The following ZGRF1 variants were observed in gnomAD, a reference collection of about 807,000 sequenced individuals.
The protein encoded by ZGRF1 is 5'-3' DNA helicase ZGRF1.
Under a neutral mutation model 203.5 loss-of-function variants are expected in ZGRF1, and 196 were observed. The ratio of observed to expected loss-of-function variants is 0.96; its 90% CI spans 0.86 to 1.08. The LOEUF is 1.08. Among genes scored for constraint, ZGRF1 ranks in the 50% least tolerant of loss-of-function variants. ZGRF1 has a pLI of 0.00. For missense variants in ZGRF1, 2,326 were observed against 2,416.3 expected, an observed-to-expected ratio of 0.96 and a Z score of 0.78; for synonymous variants, 809 against 841.3, an observed-to-expected ratio of 0.96 and a Z score of 0.66.
chr4:112,617,243 G>A (rs73841083), intron 6 of ZGRF1, among the ~76,000 whole-genome samples, 197 bp downstream of exon 6: 1,659 of 152,188 alleles, frequency 0.011, 41 homozygotes, highest in African/African-American at 0.038. Context: ...AATTCTGAAG[G>A]GTAGAATAAG....
Position 112,585,653 on chromosome 4 carries a change from AATG to A in ZGRF1, c.3986_3988del (p.Ser1329del), listed in dbSNP as rs1295726872. 6.2e-7 allele frequency: 1 copy of A among 1,610,642 alleles called. No homozygotes were observed. On this transcript the variant is annotated inframe_deletion, in exon 14 of 28. Coordinates refer to ENST00000505019, the MANE Select transcript of ZGRF1 (RefSeq NM_018392.5). ...TTTCTCTCCCTTCAATGATGTATAA[AATG>A]ATATGTCAACTTTTGAAAGAGCTTT...
chr4:112,632,878 A>G (rs2047457843), intron 2 of ZGRF1, among the ~76,000 whole-genome samples: 1 of 152,228 alleles, frequency 6.6e-6, no homozygotes, highest in African/African-American at 2.4e-5. Flanking sequence ...CTAATACTTG[A>G]TCTTAGCCAA....
chr4:112,598,052 G>A (rs1339503811), intron 10 of ZGRF1, among the ~76,000 whole-genome samples: 1 of 151,658 alleles, frequency 6.6e-6, no homozygotes, highest in Non-Finnish European at 1.5e-5. Context: ...TTTCTTTGGA[G>A]GTATTCAAAG....
At chr4:112,590,768 T>C (rs894183718) in intron 10 of ZGRF1, among the ~76,000 whole-genome samples, 1 of 151,542 alleles carries the variant, frequency 6.6e-6, no homozygotes, top group African/African-American at 2.4e-5. Context: ...TCTACTAAAA[T>C]ACAAAAAATT....
rs1750266144 is a variant in ZGRF1 at position 112,603,389 on chromosome 4, A to G, written c.2976+135T>C. 5 of 536,842 alleles carry G rather than the reference A, an allele frequency of 9.3e-6. No homozygotes were observed. The Admixed American group carries it at 1.0e-4, about 11-fold the overall frequency. 33.3% of individuals were successfully genotyped at this position (536,842 alleles called of 1,614,324 possible). ...AATACTTTTGTTATTTAGTTTTGAG[A>G]TATTATGCTTCTTGTCAATTTACTG... On this transcript the variant is annotated intron_variant, in intron 10 of 27. Coordinates refer to ENST00000505019, the MANE Select transcript of ZGRF1 (RefSeq NM_018392.5).
rs571873886 is a variant in ZGRF1, at chr4:112,605,627, C to T, written c.2802+381G>A. On this transcript the variant is annotated intron_variant, in intron 9 of 27. Transcript: ENST00000505019. The stretch of plus-strand genomic sequence containing the variant: ...ACTACTTAGATGTTGGTTACGTATA[C>T]TTCTATATACTCAGAAGTATAAGTG... 1.6e-4 allele frequency: 29 copies of T among 182,298 alleles called. No individual in the cohort carries two copies. In the South Asian group the frequency reaches 3.4e-3, roughly 21 times the overall value. 11.3% of individuals were successfully genotyped at this position (182,298 alleles called of 1,614,324 possible).
In ZGRF1 at chr4:112,618,390, T is replaced by C. The variant is rs1244781585; in HGVS notation, c.1652A>G (p.Lys551Arg). The change falls in exon 6 of 28, where the codon AAA (lysine) becomes AGA (arginine). Residue 551 changes from lysine (K) to arginine (R), a missense_variant. Coordinates refer to ENST00000505019, the MANE Select transcript of ZGRF1 (RefSeq NM_018392.5). ...DTEEESQESN[K>R]ISQDSESWVK... ...CCAACTCTCTGAATCCTGGGAAATT[T>C]TGTTGCTTTCCTGTGATTCCTCCTC... The C allele has an allele frequency of 2.5e-6, 4 of 1,613,934 alleles. No individual in the cohort carries two copies. Among genetic ancestry groups the C allele is most frequent in the African/African-American group, 1.3e-5 (1 of 75,052 alleles).
intron 23 of ZGRF1, 71 bp downstream of exon 23, chr4:112,548,182 C>A (rs1375849181): frequency 5.7e-6 from 8 of 1,412,838 alleles, no homozygotes; most frequent in Admixed American, 2.1e-5. Flanking sequence ...CTCAAGCAAT[C>A]CACCTGCCTC....
intron 11 of ZGRF1, among the ~76,000 whole-genome samples, chr4:112,588,600 T>G (rs1016166501): frequency 6.6e-6 from 1 of 152,180 alleles, no homozygotes. Flanking sequence ...TAGTGATATA[T>G]TCCTAAAAAT....
At chr4:112,547,943 T>G (rs1299791700) in intron 23 of ZGRF1, among the ~76,000 whole-genome samples, 5 of 152,276 alleles carry the variant, frequency 3.3e-5, no homozygotes, top group African/African-American at 1.2e-4. Flanking sequence ...TTCTTTTTCT[T>G]TTTTTCTTTT....
rs529673630 is a variant in ZGRF1, at chr4:112,587,495, G to A, written c.3562C>T (p.Gln1188Ter). ...GMHFRDTSER[Q>*]SDAVNESSLD... ...GAGCTTTCATTGACAGCATCACTCT[G>A]TCTTTCACTTGTGTCTCTAAAATGC... The change falls in exon 12 of 28, where the codon CAG (glutamine) becomes TAG (stop). Residue 1188 changes from glutamine (Q) to a stop codon, truncating the protein, a stop_gained. Transcript: ENST00000505019. LOFTEE classifies it high-confidence loss of function. 3 of 1,611,582 alleles carry A rather than the reference G, an allele frequency of 1.9e-6. No individual in the cohort carries two copies. The highest frequency in any genetic ancestry group is 2.2e-5 in the South Asian group (2 of 91,060).
chr4:112,592,060 C>A (rs956595972), intron 10 of ZGRF1, among the ~76,000 whole-genome samples: 1 of 150,688 alleles, frequency 6.6e-6, no homozygotes, highest in African/African-American at 2.4e-5. Context: ...GAGTTTGCTA[C>A]ATACATGGTC....
chr4:112,628,971 T>G (rs2047323345), intron 3 of ZGRF1: 1 of 329,442 alleles, frequency 3.0e-6, no homozygotes, highest in African/African-American at 2.2e-5. Flanking sequence ...ATTCATCTAT[T>G]TAAATTAGAA....
intron 1 of ZGRF1, chr4:112,636,637 T>C (rs1325035763): frequency 1.3e-5 from 2 of 152,172 alleles, no homozygotes; most frequent in African/African-American, 2.4e-5. Context: ...TTGGTCCTCA[T>C]ACCTACTCGA....
At position 112,617,662 on chromosome 4, in the gene ZGRF1, G is replaced by A. The variant is rs1225142997; in HGVS notation, c.2380C>T (p.Pro794Ser). 3 of 1,613,848 alleles carry A rather than the reference G, an allele frequency of 1.9e-6. No individual in the cohort carries two copies. Among genetic ancestry groups the A allele is most frequent in the Non-Finnish European group, 2.5e-6 (3 of 1,179,910 alleles). ...EPEDLGKIRS[P>S]PPDHVEVETA... Reference sequence around the variant, plus strand: ...TCAACCTCAACATGGTCAGGGGGTGGACTTCTAATCTTTCCCAAATCTTCA... The same window carrying A: ...TCAACCTCAACATGGTCAGGGGGTGAACTTCTAATCTTTCCCAAATCTTCA... Residue 794 changes from proline to serine, a missense_variant, in exon 6 of 28, where the codon CCA becomes TCA. Transcript: ENST00000505019.
intron 8 of ZGRF1, among the ~76,000 whole-genome samples, chr4:112,608,449 T>A (rs371926225): frequency 3.6e-4 from 54 of 152,096 alleles, no homozygotes; most frequent in African/African-American, 1.2e-3. Flanking sequence ...AGAAACCCCA[T>A]CTCTACTAAA....
In ZGRF1 at chr4:112,606,016, C is replaced by A. The variant is rs1750720705; in HGVS notation, c.2794G>T (p.Asp932Tyr). The change falls in exon 9 of 28, where the codon GAC (aspartate) becomes TAC (tyrosine). Residue 932 changes from aspartate (D) to tyrosine (Y), a missense_variant. Physicochemically the swap from Asp to Tyr is radical, Grantham distance 160. Transcript: ENST00000505019. ...TTCTTCACAAATTTTACCTTAGGGTCACAGGTTTTTCTCTCTATTTGTTTA... is the reference window on the plus strand; with the variant it reads ...TTCTTCACAAATTTTACCTTAGGGTAACAGGTTTTTCTCTCTATTTGTTTA... ...IPKQIERKTC[D>Y]PKPVEFQGHQ... 1 of 1,589,798 alleles carries A rather than the reference C, an allele frequency of 6.3e-7. No individual in the cohort carries two copies. Among genetic ancestry groups the A allele is most frequent in the South Asian group, 1.1e-5 (1 of 87,440 alleles).
chr4:112,595,144 C>T (rs1047192689), intron 10 of ZGRF1, among the ~76,000 whole-genome samples: 5 of 152,050 alleles, frequency 3.3e-5, no homozygotes, highest in Non-Finnish European at 7.4e-5. Context: ...TAGGGAAACA[C>T]TTTAAAAGTG....
At chr4:112,631,638 C>T (rs1413089943) in intron 3 of ZGRF1, among the ~76,000 whole-genome samples, 5 of 152,242 alleles carry the variant, frequency 3.3e-5, no homozygotes, top group African/African-American at 1.2e-4. Flanking sequence ...TGCCACTGCA[C>T]CCCAGCCTGG....
Sources: gnomAD v4.1 joint callset for allele counts (sites outside exome capture counted in the v4.1 genomes callset) on GRCh38, gnomAD v4.1.1 for gene constraint, MANE v1.5 for transcripts, NCBI Gene and HGNC (gene_info 2026-07-23, HGNC 2026-07-21) for gene names.